The following LPP variants were observed in gnomAD, a reference collection of about 807,000 sequenced individuals.
LPP encodes the protein lipoma-preferred partner.
In LPP, 38 loss-of-function variants were observed where a neutral mutation model predicts 60.4. That is an observed-to-expected ratio of 0.63 (90% CI 0.49 to 0.83). LPP has a LOEUF of 0.83. Among genes scored for constraint, LPP ranks in the 40% least tolerant of loss-of-function variants. The probability of loss-of-function intolerance (pLI) is 0.00; values close to 1 mark genes in which losing one functional copy is unlikely to be tolerated. For missense variants in LPP, 902 were observed against 783.6 expected, an observed-to-expected ratio of 1.15 and a Z score of -1.80; for synonymous variants, 328 against 290.8, an observed-to-expected ratio of 1.13 and a Z score of -1.30.
At chr3:188,400,793 C>T (rs1197029256) in intron 3 of LPP, among the ~76,000 whole-genome samples, 1 of 152,066 alleles carries the variant, frequency 6.6e-6, no homozygotes, top group Non-Finnish European at 1.5e-5. Context: ...CGAGTGAAAC[C>T]TAGCTAGAAT....
intron 1 of LPP, among the ~76,000 whole-genome samples, chr3:188,210,775 A>T (rs554024560): frequency 1.3e-5 from 2 of 152,278 alleles, no homozygotes; most frequent in African/African-American, 4.8e-5. Flanking sequence ...CCATGGAATA[A>T]TCTCCTTTCT....
intron 1 of LPP, among the ~76,000 whole-genome samples, chr3:188,192,615 A>C (rs1728485801): frequency 6.6e-6 from 1 of 152,216 alleles, no homozygotes; most frequent in African/African-American, 2.4e-5. Context: ...TAAGAAATCA[A>C]CTCAGCATAT....
At position 188,610,145 on chromosome 3, in the gene LPP, T is replaced by C. The variant is rs2151383367; in HGVS notation, c.1113+301T>C. On this transcript the variant is annotated intron_variant, in intron 7 of 11. Coordinates refer to ENST00000617246, the MANE Select transcript of LPP (RefSeq NM_001375462.1). The surrounding 1 kb of genome is among the most constrained non-coding windows in gnomAD (Gnocchi z 4.4). Reference sequence around the variant, plus strand: ...GTTCTGATGGAGAAAGAGAAAATAATTTATTTTTCACATCCTTCCCTATAT... The same window carrying C: ...GTTCTGATGGAGAAAGAGAAAATAACTTATTTTTCACATCCTTCCCTATAT... 6.6e-6 allele frequency among the ~76,000 whole-genome samples: 1 copy of C among 152,302 alleles called. No individual in the cohort carries two copies. The highest frequency in any genetic ancestry group is 3.4e-3 in the Middle Eastern group (1 of 294).
chr3:188,209,692 C>T (rs1734194433), intron 1 of LPP, among the ~76,000 whole-genome samples: 1 of 152,148 alleles, frequency 6.6e-6, no homozygotes, highest in Admixed American at 6.5e-5. Flanking sequence ...GCTTCATCCA[C>T]AAAGGGTGGG....
chr3:188,180,121 C>A (rs1182920329), intron 1 of LPP: 1 of 152,674 alleles, frequency 6.5e-6, no homozygotes, highest in Non-Finnish European at 1.5e-5. Flanking sequence ...TATCTTCCTG[C>A]TCTCCCTGGC....
intron 2 of LPP, among the ~76,000 whole-genome samples, chr3:188,256,402 G>T (rs1172320861): frequency 6.6e-6 from 1 of 152,038 alleles, no homozygotes; most frequent in Non-Finnish European, 1.5e-5. Flanking sequence ...TCTAAGTATT[G>T]TTATAGAACT....
chr3:188,491,330 G>A (rs1808313795), intron 5 of LPP, among the ~76,000 whole-genome samples: 1 of 152,204 alleles, frequency 6.6e-6, no homozygotes, highest in African/African-American at 2.4e-5. Context: ...AAGAGTAGAG[G>A]TAGTGGACAG....
intron 5 of LPP, among the ~76,000 whole-genome samples, chr3:188,512,487 G>T (rs1560501897): frequency 1.1e-5 from 1 of 90,248 alleles, no homozygotes; most frequent in African/African-American, 2.9e-5. Context: ...GGGAGACGGA[G>T]GTTTCAATGA....
intron 4 of LPP, among the ~76,000 whole-genome samples, chr3:188,440,973 G>A (rs987595274): frequency 9.3e-5 from 14 of 150,056 alleles, no homozygotes; most frequent in Admixed American, 2.7e-4. Flanking sequence ...GTGTGTGTGC[G>A]CCTGTATACA....
At chr3:188,630,976 A>G (rs1847756600) in intron 7 of LPP, among the ~76,000 whole-genome samples, 1 of 152,128 alleles carries the variant, frequency 6.6e-6, no homozygotes, top group African/African-American at 2.4e-5. Flanking sequence ...AACACTGAAT[A>G]CACATGGTCA....
intron 1 of LPP, among the ~76,000 whole-genome samples, chr3:188,156,336 T>G (rs1418836782): frequency 1.3e-5 from 2 of 152,202 alleles, no homozygotes; most frequent in African/African-American, 4.8e-5. Flanking sequence ...CACATTCTGG[T>G]GAAGACAGTT....
At chr3:188,560,659 T>C (rs1480633975) in intron 6 of LPP, among the ~76,000 whole-genome samples, 1 of 152,116 alleles carries the variant, frequency 6.6e-6, no homozygotes, top group East Asian at 1.9e-4. Flanking sequence ...GATATTCAAG[T>C]AATGAAGCCT....
In LPP at chr3:188,760,440, G is replaced by GTGCGCA. The variant is rs1553836338; in HGVS notation, c.1410+158_1410+159insTGCGCA. On this transcript the variant is annotated intron_variant, in intron 9 of 11. Transcript: ENST00000617246. ...TGTGTGTGTGTGTGTGTGTGTGCGT[G>GTGCGCA]CGCGCATGTAAATTAGCATATTGTA... is the stretch of plus-strand genomic sequence containing the variant. Among the ~76,000 whole-genome samples, 7 of 145,330 alleles carry GTGCGCA rather than the reference G, an allele frequency of 4.8e-5. No homozygotes were observed. The South Asian group carries it at 1.5e-3, about 30-fold the overall frequency.
At chr3:188,693,010 A>G (rs1478661916) in intron 7 of LPP, among the ~76,000 whole-genome samples, 1 of 152,240 alleles carries the variant, frequency 6.6e-6, no homozygotes, top group Non-Finnish European at 1.5e-5. Context: ...TACCCAGGAT[A>G]TTTAGAATGA....
intron 1 of LPP, among the ~76,000 whole-genome samples, chr3:188,225,007 AAAG>A (rs1464057367): frequency 6.6e-6 from 1 of 152,194 alleles, no homozygotes; most frequent in East Asian, 1.9e-4. Context: ...CAAGGAAACT[AAAG>A]TTCAAAGAAC....
rs1833674661 is a variant in LPP, at chr3:188,572,126, A to G, written c.430-37035A>G. Among the ~76,000 whole-genome samples, 1 of 152,062 alleles carries G rather than the reference A, an allele frequency of 6.6e-6. No homozygotes were observed. The highest frequency in any genetic ancestry group is 1.5e-5 in the Non-Finnish European group (1 of 67,996). On this transcript the variant is annotated intron_variant, in intron 6 of 11. Transcript: ENST00000617246. The surrounding 1 kb of genome is among the most constrained non-coding windows in gnomAD (Gnocchi z 4.1). ...GATTTTGACTTGAAAAGTAATTCAA[A>G]GGGTTGAAATTTAAACGTAAAGAAA...
chr3:188,498,071 T>C (rs1050463879), intron 5 of LPP, among the ~76,000 whole-genome samples: 1 of 152,212 alleles, frequency 6.6e-6, no homozygotes, highest in Non-Finnish European at 1.5e-5. Flanking sequence ...CCTCTGATTC[T>C]GCAACAATTG....
rs377578896 is a variant in LPP, at chr3:188,433,880, AAGAG to A, written c.193+27571_193+27574del. ...CTTTTTTTAAAATTTTTATTTCAGAAAGAGAGAAAGAGGCAAAGAGTGGGTGAGG... is the reference window on the plus strand; with the variant it reads ...CTTTTTTTAAAATTTTTATTTCAGAAAGAAAGAGGCAAAGAGTGGGTGAGG... On this transcript the variant is annotated intron_variant, in intron 4 of 11. Coordinates refer to ENST00000617246, the MANE Select transcript of LPP (RefSeq NM_001375462.1). Among the ~76,000 whole-genome samples the A allele has an allele frequency of 2.2e-3, 337 of 152,246 alleles. 2 individuals are homozygous for A. The highest frequency in any genetic ancestry group is 7.2e-3 in the African/African-American group (298 of 41,562).
chr3:188,642,877 G>A (rs1349991866), intron 7 of LPP, among the ~76,000 whole-genome samples: 2 of 151,958 alleles, frequency 1.3e-5, no homozygotes, highest in Admixed American at 6.6e-5. Context: ...CAGAGGTTGC[G>A]GTAAGCTGAG....
Sources: gnomAD v4.1 joint callset for allele counts (sites outside exome capture counted in the v4.1 genomes callset) on GRCh38, gnomAD v4.1.1 for gene constraint, Gnocchi (gnomAD v3.1) non-coding constraint, MANE v1.5 for transcripts, NCBI Gene and HGNC (gene_info 2026-07-23, HGNC 2026-07-21) for gene names.